Variants in LRPAP1 observed in about 807,000 individuals in gnomAD.
The protein encoded by LRPAP1 is LDL receptor related protein associated protein 1, also known as alpha-2-macroglobulin receptor-associated protein.
Under a neutral mutation model 39.9 loss-of-function variants are expected in LRPAP1, and 41 were observed. That is an observed-to-expected ratio of 1.03 (90% CI 0.80 to 1.33). The LOEUF (loss-of-function observed/expected upper bound fraction) is 1.33, where lower values mean the gene tolerates loss of function less well. LRPAP1 is among the 40% of genes most tolerant of loss of function. The pLI is 0.00. For missense variants in LRPAP1, 565 were observed against 482.3 expected, an observed-to-expected ratio of 1.17 and a Z score of -1.61; for synonymous variants, 263 against 212.7, an observed-to-expected ratio of 1.24 and a Z score of -2.06.
intron 1 of LRPAP1, among the ~76,000 whole-genome samples, chr4:3,529,248 G>C (rs1267477171): frequency 2.0e-5 from 3 of 151,978 alleles, no homozygotes; most frequent in Admixed American, 6.6e-5. Context: ...GCTTGAACCT[G>C]GGAGGCGGAG....
chr4:3,505,193 T>C lies in LRPAP1; in HGVS notation c.*7781A>G, dbSNP rs973017511. Among the ~76,000 whole-genome samples, 26 of 152,180 alleles carry C rather than the reference T, an allele frequency of 1.7e-4. No individual in the cohort carries two copies. The highest frequency in any genetic ancestry group is 2.5e-4 in the Non-Finnish European group (17 of 68,036). On this transcript the variant is annotated 3_prime_UTR_variant, in exon 8 of 8. Coordinates refer to ENST00000650182, the MANE Select transcript of LRPAP1 (RefSeq NM_002337.4). ...GACACGAGGAAGAAGGGCGACCGTG[T>C]CCTGGACAGCCCAGCTCGAGGCTGC...
intron 7 of LRPAP1, 146 bp from the exon 8 acceptor site, chr4:3,513,182 A>T: frequency 3.2e-6 from 2 of 629,418 alleles, no homozygotes; most frequent in East Asian, 5.5e-5. Flanking sequence ...ACCCATCCAG[A>T]AATGCTCAAA....
chr4:3,532,172 C>A, intron 1 of LRPAP1, 37 bp downstream of exon 1: 1 of 1,544,546 alleles, frequency 6.5e-7, no homozygotes, highest in Non-Finnish European at 8.7e-7. Flanking sequence ...GGCCCCCGCC[C>A]CCAGGCCCCG....
chr4:3,528,607 C>T (rs1730147913), intron 1 of LRPAP1, among the ~76,000 whole-genome samples: 1 of 152,230 alleles, frequency 6.6e-6, no homozygotes, highest in Admixed American at 6.5e-5. Flanking sequence ...GTGCCATCCT[C>T]CCAGCGCTCA....
At chr4:3,513,132 A>T in intron 7 of LRPAP1, 96 bp from the exon 8 acceptor site, 1 of 896,146 alleles carries the variant, frequency 1.1e-6, no homozygotes, top group Non-Finnish European at 1.8e-6. Flanking sequence ...ATCCAAAAGG[A>T]AAAGGCGCAA....
intron 7 of LRPAP1, 76 bp from the exon 8 acceptor site, chr4:3,513,112 G>C: frequency 8.7e-7 from 1 of 1,142,884 alleles, no homozygotes; most frequent in Non-Finnish European, 1.3e-6. Flanking sequence ...CTCATGTCAG[G>C]AGACGCGCGA....
At chr4:3,522,954 G>A (rs1214887176) in intron 2 of LRPAP1, among the ~76,000 whole-genome samples, 1 of 152,162 alleles carries the variant, frequency 6.6e-6, no homozygotes, top group Non-Finnish European at 1.5e-5. Context: ...GGGGACCTCG[G>A]GGGTCCAGGG....
chr4:3,523,527 T>TG (rs1304953054), intron 2 of LRPAP1, among the ~76,000 whole-genome samples: 1 of 152,146 alleles, frequency 6.6e-6, no homozygotes, highest in African/African-American at 2.4e-5. Context: ...GAGGGGTGGC[T>TG]GGGAACAGAC....
chr4:3,532,224 C>G lies in LRPAP1; in HGVS notation c.189G>C (p.Trp63Cys), dbSNP rs1453746405. ...CCGCGCTCACTCGCTGGGCCTTCTC[C>G]CACAGCTGGTTCAACTTCTCCATGC... Reference protein sequence around the residue: ...EFRMEKLNQLWEKAQRLHLPP... With the variant: ...EFRMEKLNQLCEKAQRLHLPP... The change falls in exon 1 of 8, where the codon TGG becomes TGC. Residue 63 changes from tryptophan to cysteine, a missense_variant. Transcript: ENST00000650182. 5 of 1,550,576 alleles carry G rather than the reference C, an allele frequency of 3.2e-6. No individual in the cohort carries two copies. The South Asian group carries it at 5.9e-5, about 18-fold the overall frequency.
chr4:3,517,979 C>T, intron 5 of LRPAP1, 55 bp downstream of exon 5: 2 of 1,538,330 alleles, frequency 1.3e-6, no homozygotes, highest in Non-Finnish European at 8.7e-7. Context: ...GTCCCCAAAA[C>T]ACAACCAGAG....
intron 3 of LRPAP1, 78 bp downstream of exon 3, chr4:3,519,994 C>A (rs1729855544): frequency 6.4e-7 from 1 of 1,554,838 alleles, no homozygotes; most frequent in Non-Finnish European, 8.8e-7. Context: ...AGAGCAGAGA[C>A]TGCCCCTCAC....
At chr4:3,522,215 G>C (rs1289758942) in intron 2 of LRPAP1, among the ~76,000 whole-genome samples, 1 of 152,232 alleles carries the variant, frequency 6.6e-6, no homozygotes, top group African/African-American at 2.4e-5. Context: ...GAGGAGGAGA[G>C]GGGGAGACGG....
chr4:3,516,596 G>A (rs1729713715), intron 5 of LRPAP1, among the ~76,000 whole-genome samples: 1 of 152,250 alleles, frequency 6.6e-6, no homozygotes, highest in South Asian at 2.1e-4. Context: ...GCCAGGTCCA[G>A]ACGCAGGCAC....
intron 7 of LRPAP1, among the ~76,000 whole-genome samples, chr4:3,513,575 C>T (rs1729601022): frequency 6.6e-6 from 1 of 152,332 alleles, no homozygotes; most frequent in South Asian, 2.1e-4. Flanking sequence ...TCCCAAAGTG[C>T]TGGGATTACA....
At chr4:3,522,998 G>T (rs1167034264) in intron 2 of LRPAP1, among the ~76,000 whole-genome samples, 1 of 152,176 alleles carries the variant, frequency 6.6e-6, no homozygotes, top group East Asian at 1.9e-4. Context: ...AACTGGCCAG[G>T]ACGAGCCTCT....
Position 3,525,452 on chromosome 4 carries a change from C to CT in LRPAP1, c.205-402dup, listed in dbSNP as rs202131900. On this transcript the variant is annotated intron_variant, in intron 1 of 7. Transcript: ENST00000650182. ...GCAAGGACACAGACACCTAGAAGTT[C>CT]TTTTTTAAAAAAAATCACTGTAATC... 2.3e-3 allele frequency among the ~76,000 whole-genome samples: 297 copies of CT among 128,128 alleles called. 10 individuals are homozygous for CT. In the East Asian group the frequency reaches 0.074, roughly 32 times the overall value. 84.1% of individuals were successfully genotyped at this position (128,128 alleles called of 152,430 possible). A position where few individuals can be genotyped will look rare whatever the true frequency, so the allele number is the denominator to read the frequency against.
At chr4:3,513,464 C>T (rs1729596395) in intron 7 of LRPAP1, among the ~76,000 whole-genome samples, 1 of 152,122 alleles carries the variant, frequency 6.6e-6, no homozygotes, top group Non-Finnish European at 1.5e-5. Context: ...CCCACCGCCA[C>T]GCCCGGCTAA....
In LRPAP1 at chr4:3,505,679, C is replaced by T. The variant is rs560853129; in HGVS notation, c.*7295G>A. Among the ~76,000 whole-genome samples, 2 of 152,200 alleles carry T rather than the reference C, an allele frequency of 1.3e-5. No homozygotes were observed. Among genetic ancestry groups the T allele is most frequent in the Non-Finnish European group, 2.9e-5 (2 of 68,032 alleles). ...ACCGTCTATACCAGCTACCCCAAGA[C>T]CGTCTATACCAGCTACCCCAAGACC... On this transcript the variant is annotated 3_prime_UTR_variant, in exon 8 of 8. Coordinates refer to ENST00000650182, the MANE Select transcript of LRPAP1 (RefSeq NM_002337.4).
intron 2 of LRPAP1, among the ~76,000 whole-genome samples, chr4:3,523,396 C>T (rs139574731): frequency 3.1e-4 from 47 of 152,342 alleles, no homozygotes; most frequent in African/African-American, 1.1e-3. Flanking sequence ...CGTATCTTGG[C>T]TTACGTCTCA....
Sources: allele counts gnomAD v4.1 joint callset (sites outside exome capture counted in the v4.1 genomes callset), GRCh38; gene constraint gnomAD v4.1.1; transcripts MANE v1.5; gene names NCBI Gene and HGNC (gene_info 2026-07-23, HGNC 2026-07-21).